Variants in SNTB1 observed in about 807,000 individuals in gnomAD.
SNTB1 encodes syntrophin beta 1, also known as beta-1-syntrophin.
In SNTB1, 36 loss-of-function variants were observed where a neutral mutation model predicts 48.9. The observed-to-expected ratio is 0.74, with a 90% CI of 0.56 to 0.97. SNTB1 has a LOEUF of 0.97. Among genes scored for constraint, SNTB1 ranks in the 50% least tolerant of loss-of-function variants. The pLI is 0.00. For missense variants in SNTB1, 786 were observed against 703.4 expected (o/e 1.12, Z -1.33); for synonymous variants, 299 against 294.6 (o/e 1.01, Z -0.15).
At chr8:120,621,964 G>A (rs1280435228) in intron 3 of SNTB1, among the ~76,000 whole-genome samples, 1 of 152,144 alleles carries the variant, frequency 6.6e-6, no homozygotes, top group Non-Finnish European at 1.5e-5. Flanking sequence ...CTGCCAACAG[G>A]GAATCATTTT....
At chr8:120,739,906 A>C (rs1425653695) in intron 1 of SNTB1, among the ~76,000 whole-genome samples, 4 of 152,310 alleles carry the variant, frequency 2.6e-5, no homozygotes, top group East Asian at 1.9e-4. Context: ...CATGTGACAT[A>C]TTCAAATTAC....
At chr8:120,609,111 A>AAT (rs1187845816) in intron 3 of SNTB1, among the ~76,000 whole-genome samples, 24 of 152,252 alleles carry the variant, frequency 1.6e-4, no homozygotes, top group Admixed American at 1.5e-3. Flanking sequence ...GATGACTACT[A>AAT]AAAGAGCAGA....
intron 4 of SNTB1, among the ~76,000 whole-genome samples, chr8:120,552,742 T>C (rs963423955): frequency 1.3e-5 from 2 of 152,112 alleles, no homozygotes; most frequent in Non-Finnish European, 2.9e-5. Flanking sequence ...TGGTGGGAGA[T>C]GGTTTTGGGA....
At chr8:120,569,828 AAATTT>A (rs1815812897) in intron 4 of SNTB1, among the ~76,000 whole-genome samples, 1 of 152,206 alleles carries the variant, frequency 6.6e-6, no homozygotes, top group Admixed American at 6.5e-5. Context: ...AATTTCACTT[AAATTT>A]AATTACTTTA....
chr8:120,683,790 G>T (rs1157843393), intron 2 of SNTB1, among the ~76,000 whole-genome samples: 1 of 151,816 alleles, frequency 6.6e-6, no homozygotes, highest in Admixed American at 6.6e-5. Flanking sequence ...AGTACAGAGA[G>T]AAAAAAAAGT....
chr8:120,628,760 A>T (rs1816927163), intron 3 of SNTB1, among the ~76,000 whole-genome samples: 1 of 144,974 alleles, frequency 6.9e-6, no homozygotes, highest in Admixed American at 6.7e-5. Context: ...CATCTCAAAG[A>T]AAAAAAAAAG....
chr8:120,594,808 A>G (rs1228103910), intron 3 of SNTB1, among the ~76,000 whole-genome samples: 1 of 152,142 alleles, frequency 6.6e-6, no homozygotes, highest in Non-Finnish European at 1.5e-5. Context: ...AAGTAAAGGC[A>G]AAAGAAGACA....
At chr8:120,809,520 T>A (rs540252881) in intron 1 of SNTB1, among the ~76,000 whole-genome samples, 12 of 152,290 alleles carry the variant, frequency 7.9e-5, no homozygotes, top group African/African-American at 2.9e-4. Context: ...ATTTTTTACC[T>A]CTTTGCCAAG....
chr8:120,808,825 A>G lies in SNTB1; in HGVS notation c.571+2448T>C, dbSNP rs1820381262. ...GCGCATGTCATGCGGTGGGGTGCATACAGGCGGTGGTTGGAGTACTAAACT... is the reference window on the plus strand; with the variant it reads ...GCGCATGTCATGCGGTGGGGTGCATGCAGGCGGTGGTTGGAGTACTAAACT... On this transcript the variant is annotated intron_variant, in intron 1 of 6. Transcript: ENST00000517992. 2.6e-5 allele frequency among the ~76,000 whole-genome samples: 4 copies of G among 152,298 alleles called. No homozygotes were observed. The South Asian group carries it at 6.2e-4, about 24-fold the overall frequency.
chr8:120,636,258 ATACTTT>A (rs1817075116), intron 2 of SNTB1, among the ~76,000 whole-genome samples: 1 of 150,550 alleles, frequency 6.6e-6, no homozygotes, highest in Non-Finnish European at 1.5e-5. Flanking sequence ...TTTTATTATT[ATACTTT>A]AAGTTTTAGG....
At chr8:120,694,954 C>T (rs1818188151) in intron 1 of SNTB1, among the ~76,000 whole-genome samples, 1 of 152,108 alleles carries the variant, frequency 6.6e-6, no homozygotes, top group Admixed American at 6.5e-5. Flanking sequence ...CCCAGTGAAG[C>T]AGACTGAAGT....
At chr8:120,791,817 G>A (rs1240053928) in intron 1 of SNTB1, among the ~76,000 whole-genome samples, 8 of 151,962 alleles carry the variant, frequency 5.3e-5, no homozygotes, top group Non-Finnish European at 4.4e-5. Context: ...AGATGGTGGT[G>A]TGGATGTCAT....
At chr8:120,800,121 C>T (rs1820196625) in intron 1 of SNTB1, among the ~76,000 whole-genome samples, 1 of 152,156 alleles carries the variant, frequency 6.6e-6, no homozygotes, top group Middle Eastern at 3.4e-3. Context: ...TCCCTGGCAT[C>T]CTGGCAAGTT....
intron 2 of SNTB1, among the ~76,000 whole-genome samples, chr8:120,670,228 T>C (rs1429060726): frequency 1.3e-5 from 2 of 152,252 alleles, no homozygotes; most frequent in African/African-American, 2.4e-5. Context: ...CCATAAGCCA[T>C]ACAATGTGGT....
At chr8:120,735,837 G>A (rs554534641) in intron 1 of SNTB1, among the ~76,000 whole-genome samples, 13 of 152,324 alleles carry the variant, frequency 8.5e-5, no homozygotes, top group African/African-American at 3.1e-4. Flanking sequence ...GAACAGGCAG[G>A]AGGCAGGAAG....
chr8:120,692,567 C>A (rs1404549916), intron 2 of SNTB1, among the ~76,000 whole-genome samples: 1 of 152,118 alleles, frequency 6.6e-6, no homozygotes, highest in African/African-American at 2.4e-5. Context: ...AATTTTACTT[C>A]CTCTTGGCTG....
At chr8:120,707,882 C>T (rs1432446945) in intron 1 of SNTB1, among the ~76,000 whole-genome samples, 1 of 151,980 alleles carries the variant, frequency 6.6e-6, no homozygotes, top group Non-Finnish European at 1.5e-5. Flanking sequence ...CTGGGAAAAT[C>T]TATGGATATT....
intron 3 of SNTB1, among the ~76,000 whole-genome samples, chr8:120,610,338 C>T (rs4610796): frequency 0.37 from 56,136 of 151,928 alleles, 11,825 homozygotes; most frequent in Middle Eastern, 0.59. Context: ...GGTTTCACCA[C>T]GTTGGCCAGT....
At chr8:120,685,937 CA>C (rs1446384522) in intron 2 of SNTB1, among the ~76,000 whole-genome samples, 1 of 152,190 alleles carries the variant, frequency 6.6e-6, no homozygotes, top group Non-Finnish European at 1.5e-5. Context: ...CACAATTTAG[CA>C]AAGTTCTTTG....
Sources: gnomAD v4.1 joint callset for allele counts (sites outside exome capture counted in the v4.1 genomes callset) on GRCh38, gnomAD v4.1.1 for gene constraint, MANE v1.5 for transcripts, NCBI Gene and HGNC (gene_info 2026-07-23, HGNC 2026-07-21) for gene names.